Variants in TENT4A observed in about 807,000 individuals in gnomAD.
TENT4A encodes the protein DNA polymerase kappa.
Under a neutral mutation model 72.8 loss-of-function variants are expected in TENT4A, and 7 were observed. That is an observed-to-expected ratio of 0.10 (90% confidence interval 0.05 to 0.18). The LOEUF (loss-of-function observed/expected upper bound fraction) is 0.18, where lower values mean the gene tolerates loss of function less well. Ranked by LOEUF, TENT4A falls within the 10% of genes least tolerant of loss-of-function variation. The pLI is 1.00. For missense variants in TENT4A, 831 were observed against 1,017.7 expected (o/e 0.82, Z 2.50); for synonymous variants, 456 against 434.3 (o/e 1.05, Z -0.62).
At chr5:6,737,993 T>C (rs28363346) in intron 2 of TENT4A, among the ~76,000 whole-genome samples, 10 of 149,390 alleles carry the variant, frequency 6.7e-5, no homozygotes, top group Non-Finnish European at 1.3e-4. Flanking sequence ...TTTCACCCTG[T>C]CACCCACCCC....
chr5:6,754,926 C>T lies in TENT4A; in HGVS notation c.2360C>T (p.Pro787Leu). ...KKHTHTRDSL[P>L]VSLSR ...CACACACACACACGGGACAGTCTGC[C>T]CGTGAGCCTCAGCAGATAATGGCTC... Residue 787 changes from proline to leucine, a missense_variant, in exon 13 of 13, where the codon CCC becomes CTC. Transcript: ENST00000230859. 1.3e-6 allele frequency: 2 copies of T among 1,583,410 alleles called. No individual in the cohort carries two copies. The highest frequency in any genetic ancestry group is 1.7e-6 in the Non-Finnish European group (2 of 1,157,098).
chr5:6,744,943 C>G (rs1481258680), intron 6 of TENT4A, among the ~76,000 whole-genome samples: 1 of 152,120 alleles, frequency 6.6e-6, no homozygotes, highest in African/African-American at 2.4e-5. Flanking sequence ...GGTCCAGGGC[C>G]TCCTCCACCC....
At chr5:6,730,755 TAAAA>T (rs5865676) in intron 1 of TENT4A, among the ~76,000 whole-genome samples, 58 of 130,028 alleles carry the variant, frequency 4.5e-4, no homozygotes, top group African/African-American at 1.2e-3. Context: ...AGCCTTAATT[TAAAA>T]AAAAAAAAAA....
chr5:6,752,213 T>TACAGAGCC (rs1295205835), intron 11 of TENT4A, among the ~76,000 whole-genome samples: 1 of 152,218 alleles, frequency 6.6e-6, no homozygotes, highest in East Asian at 1.9e-4. Flanking sequence ...GCTGCTGAGC[T>TACAGAGCC]ACAGAGCCAC....
At chr5:6,722,977 T>G (rs1405903043) in intron 1 of TENT4A, among the ~76,000 whole-genome samples, 1 of 152,244 alleles carries the variant, frequency 6.6e-6, no homozygotes, top group Admixed American at 6.5e-5. Flanking sequence ...AATTTTAATT[T>G]TATTTACTTT....
chr5:6,751,264 A>G (rs1742388443), intron 11 of TENT4A, 67 bp downstream of exon 11: 6 of 1,484,508 alleles, frequency 4.0e-6, no homozygotes, highest in Non-Finnish European at 5.6e-6. Flanking sequence ...TGTGATATGC[A>G]CTAGAGGAGA....
chr5:6,734,558 G>T (rs1741375124), intron 1 of TENT4A, among the ~76,000 whole-genome samples: 2 of 152,404 alleles, frequency 1.3e-5, no homozygotes, highest in South Asian at 4.1e-4. Context: ...GGCATGGATG[G>T]CCGGGCCCCC....
intron 1 of TENT4A, among the ~76,000 whole-genome samples, chr5:6,722,556 T>TG (rs1355215897): frequency 1.5e-3 from 231 of 150,532 alleles, no homozygotes; most frequent in African/African-American, 5.5e-3. Context: ...AGTTTTTTTT[T>TG]TTTTTTTTTT....
intron 1 of TENT4A, among the ~76,000 whole-genome samples, chr5:6,722,384 C>T (rs763566661): frequency 8.5e-5 from 13 of 152,142 alleles, no homozygotes; most frequent in Admixed American, 2.0e-4. Flanking sequence ...AATACAACTT[C>T]CACTTTCAGA....
In TENT4A at chr5:6,714,532, C is replaced by G; in HGVS notation, c.549C>G (p.Phe183Leu). The G allele has an allele frequency of 8.4e-6, 10 of 1,194,394 alleles. No individual in the cohort carries two copies. The highest frequency in any genetic ancestry group is 1.0e-5 in the Non-Finnish European group (10 of 963,812). 74.0% of individuals were successfully genotyped at this position (1,194,394 alleles called of 1,614,324 possible). Residue 183 changes from phenylalanine to leucine, a missense_variant, in exon 1 of 13, where the codon TTC (phenylalanine) becomes TTG (leucine). By Grantham distance (22) the Phe-to-Leu change is conservative. Transcript: ENST00000230859. ...APAGSPSQHQFHPGRRKRENK... is the reference protein window; with the variant it reads ...APAGSPSQHQLHPGRRKRENK... ...CCGGCTCCCCGTCGCAGCACCAGTT[C>G]CACCCGGGTCGCCGGAAACGCGAGA...
At chr5:6,738,624 T>G in intron 2 of TENT4A, 59 bp from the exon 3 acceptor site, 1 of 1,221,648 alleles carries the variant, frequency 8.2e-7, no homozygotes, top group South Asian at 1.2e-5. Flanking sequence ...TAAGAAATAA[T>G]GGTAGTGTGA....
intron 12 of TENT4A, among the ~76,000 whole-genome samples, chr5:6,754,074 G>C (rs1455719833): frequency 6.6e-6 from 1 of 152,230 alleles, no homozygotes; most frequent in Non-Finnish European, 1.5e-5. Context: ...GGATCGACAG[G>C]CTGCTGAGGG....
chr5:6,746,090 G>A, intron 6 of TENT4A, 124 bp from the exon 7 acceptor site: 1 of 1,541,384 alleles, frequency 6.5e-7, no homozygotes, highest in African/African-American at 1.4e-5. Flanking sequence ...GTGCTGGTGA[G>A]TGAGCGAGTG....
chr5:6,747,861 C>T (rs1188811847), intron 7 of TENT4A, among the ~76,000 whole-genome samples: 1 of 152,252 alleles, frequency 6.6e-6, no homozygotes, highest in African/African-American at 2.4e-5. Context: ...TTAAGCTTCT[C>T]CTGACTGGCT....
chr5:6,746,456 G>A, intron 7 of TENT4A, 29 bp downstream of exon 7: 2 of 1,608,920 alleles, frequency 1.2e-6, no homozygotes. Flanking sequence ...CCACTGCTGA[G>A]AGCTGGGCCA....
intron 7 of TENT4A, 111 bp downstream of exon 7, chr5:6,746,538 A>G (rs568756316): frequency 1.2e-6 from 1 of 862,742 alleles, no homozygotes; most frequent in Admixed American, 2.5e-5. Flanking sequence ...TTTGCTCTTG[A>G]TGCAGGTTTC....
intron 4 of TENT4A, among the ~76,000 whole-genome samples, chr5:6,740,682 C>T (rs189128288): frequency 6.6e-6 from 1 of 152,334 alleles, no homozygotes; most frequent in East Asian, 1.9e-4. Context: ...GTACCAGGTG[C>T]ACCTCTTGGT....
intron 1 of TENT4A, among the ~76,000 whole-genome samples, chr5:6,721,673 T>C (rs1230178391): frequency 6.6e-6 from 1 of 152,106 alleles, no homozygotes; most frequent in Non-Finnish European, 1.5e-5. Flanking sequence ...GCGGGGTGGA[T>C]CTCTGCAGAA....
chr5:6,732,304 C>T (rs186245129), intron 1 of TENT4A, among the ~76,000 whole-genome samples: 1 of 152,352 alleles, frequency 6.6e-6, no homozygotes, highest in Admixed American at 6.5e-5. Context: ...CAGTTAATCC[C>T]ATTAGCTCAG....
Sources: gnomAD v4.1 joint callset for allele counts (sites outside exome capture counted in the v4.1 genomes callset) on GRCh38, gnomAD v4.1.1 for gene constraint, MANE v1.5 for transcripts, NCBI Gene and HGNC (gene_info 2026-07-23, HGNC 2026-07-21) for gene names.